The following BEND2 variants were observed in gnomAD, a reference collection of about 807,000 sequenced individuals.
BEND2 encodes BEN domain-containing protein 2.
BEND2 carries 19 observed loss-of-function variants against 43.8 expected under a neutral mutation model. That is an observed-to-expected ratio of 0.43 (90% confidence interval 0.30 to 0.64). The LOEUF is 0.64. BEND2 is among the 30% of genes least tolerant of loss of function. The pLI is 0.11. For synonymous variants in BEND2, 226 were observed against 210.1 expected (o/e 1.08, Z -0.66); for missense variants, 544 against 574.0 (o/e 0.95, Z 0.53).
At chrX:18,187,590 C>G (rs1244687066) in intron 8 of BEND2, among the ~76,000 whole-genome samples, 2 of 111,976 alleles carry the variant, frequency 1.8e-5, no homozygotes, top group African/African-American at 6.5e-5. Context: ...ATCATTCAGA[C>G]AGAATATTAA....
intron 10 of BEND2, among the ~76,000 whole-genome samples, chrX:18,177,135 G>A (rs1046458159): frequency 9.1e-6 from 1 of 110,409 alleles, no homozygotes; most frequent in Non-Finnish European, 1.9e-5. Flanking sequence ...AAGGCAGGAA[G>A]GCAGGAGGCT....
Position 18,220,833 on chromosome X carries a change from T to C in BEND2, c.-83A>G. 3 of 1,032,829 alleles carry C rather than the reference T, an allele frequency of 2.9e-6. No homozygotes were observed. The Admixed American group carries it at 7.4e-5, about 26-fold the overall frequency. The allele number at this position is 1,032,829 out of a possible 1,213,427, so 85.1% of individuals were successfully genotyped here. A position where few individuals can be genotyped will look rare whatever the true frequency, so the allele number is the denominator to read the frequency against. On this transcript the variant is annotated 5_prime_UTR_variant, in exon 1 of 14. Coordinates refer to ENST00000380033, the MANE Select transcript of BEND2 (RefSeq NM_153346.5). Reference sequence around the variant, plus strand: ...CTACGTCTGCGCCGCGGCTCTGAGGTAACTGCTTGGTAACTGTGTGGTAAC... The same window carrying C: ...CTACGTCTGCGCCGCGGCTCTGAGGCAACTGCTTGGTAACTGTGTGGTAAC...
chrX:18,189,296 C>G (rs1256005232), intron 8 of BEND2, among the ~76,000 whole-genome samples: 1 of 110,316 alleles, frequency 9.1e-6, no homozygotes, highest in East Asian at 2.8e-4. Flanking sequence ...CTGCTTGAGC[C>G]CAGGAGATTG....
chrX:18,217,414 A>C (rs1227571726), intron 1 of BEND2, among the ~76,000 whole-genome samples: 1 of 112,396 alleles, frequency 8.9e-6, no homozygotes, highest in Non-Finnish European at 1.9e-5. Flanking sequence ...CTACATCATA[A>C]CTTGGATTTA....
intron 10 of BEND2, among the ~76,000 whole-genome samples, chrX:18,176,490 G>A (rs1463155026): frequency 1.8e-5 from 2 of 109,205 alleles, no homozygotes; most frequent in Non-Finnish European, 1.9e-5. Flanking sequence ...AACAGCTTGG[G>A]CAGCAAAGTG....
Position 18,203,617 on chromosome X carries a change from C to A in BEND2, c.791G>T (p.Arg264Leu). ...TTAVPMAVLS[R>L]RESSLANNPG... is the part of the protein sequence containing the mutation. ...GTTATTTGCCAGACTGGATTCTCTTCGTGACAGAACTGCCATAGGTACTGC... is the reference window on the plus strand; with the variant it reads ...GTTATTTGCCAGACTGGATTCTCTTAGTGACAGAACTGCCATAGGTACTGC... Residue 264 changes from arginine to leucine, a missense_variant, in exon 5 of 14, where the codon CGA (arginine) becomes CTA (leucine). Arg to Leu is a moderately radical substitution (Grantham distance 102). Coordinates refer to ENST00000380033, the MANE Select transcript of BEND2 (RefSeq NM_153346.5). 2 of 1,210,896 alleles carry A rather than the reference C, an allele frequency of 1.7e-6. No homozygotes were observed. Among genetic ancestry groups the A allele is most frequent in the South Asian group, 1.8e-5 (1 of 56,967 alleles).
At position 18,201,944 on chromosome X, in the gene BEND2, T is replaced by C; in HGVS notation, c.908-4A>G. ...TTTGCTGGTCTTTCTGGCATTTCTG[T>C]AAATAAAAAGTTTTCAAGAGCTGTA... On this transcript the variant is annotated splice_polypyrimidine_tract_variant and splice_region_variant and intron_variant, in intron 5 of 13. Transcript: ENST00000380033. The C allele has an allele frequency of 6.6e-6, 8 of 1,206,395 alleles. No homozygotes were observed. The highest frequency in any genetic ancestry group is 9.0e-6 in the Non-Finnish European group (8 of 893,373).
chrX:18,165,422 T>C (rs903530809), intron 13 of BEND2, among the ~76,000 whole-genome samples, 199 bp from the exon 14 acceptor site: 2 of 112,227 alleles, frequency 1.8e-5, no homozygotes, highest in Non-Finnish European at 3.8e-5. Context: ...AACAGCACCA[T>C]GCTTAAATCA....
chrX:18,190,377 C>A (rs765305418), intron 8 of BEND2, among the ~76,000 whole-genome samples: 1 of 111,471 alleles, frequency 9.0e-6, no homozygotes, highest in African/African-American at 3.3e-5. Flanking sequence ...TGAAATAGTA[C>A]TCAGCAATAA....
intron 13 of BEND2, among the ~76,000 whole-genome samples, chrX:18,168,160 G>A (rs1483623751): frequency 1.8e-5 from 2 of 112,204 alleles, no homozygotes; most frequent in African/African-American, 6.5e-5. Flanking sequence ...GGACATGTAC[G>A]ATTGAAGAAT....
rs181144827 is a variant in BEND2 at position 18,165,033 on chromosome X, G to A, written c.2376C>T (p.Pro792=). The A allele has an allele frequency of 6.0e-5, 72 of 1,206,787 alleles. No homozygotes were observed. The East Asian group carries it at 7.7e-4, about 13-fold the overall frequency. The change falls in exon 14 of 14, where the codon CCC becomes CCT. Residue 792 remains proline, a synonymous_variant. Transcript: ENST00000380033. The part of the protein sequence containing the change: ...ELEQESKPGD[P]DATDPST ...TTCAGGTGCTTGGGTCAGTGGCGTC[G>A]GGATCTCCTGGCTTTGACTCCTGCT... is the stretch of plus-strand genomic sequence containing the variant.
intron 13 of BEND2, 190 bp downstream of exon 13, chrX:18,170,811 C>T (rs772169988): frequency 7.1e-4 from 359 of 504,131 alleles, no homozygotes; most frequent in Non-Finnish European, 8.2e-4. Context: ...GCAATTAGCC[C>T]TAAGAACCCA....
In BEND2 at chrX:18,163,742, G is replaced by A. The variant is rs1923751907; in HGVS notation, c.*1267C>T. The A allele has an allele frequency of 8.9e-6, 1 of 111,964 alleles. No individual in the cohort carries two copies. The highest frequency in any genetic ancestry group is 9.5e-5 in the Admixed American group (1 of 10,566). The allele number at this position is 111,964 out of a possible 1,213,427, so 9.2% of individuals were successfully genotyped here. A position where few individuals can be genotyped will look rare whatever the true frequency, so the allele number is the denominator to read the frequency against. Reference sequence around the variant, plus strand: ...AATTTGAAATTTCTTCTTGCCTAGGGTCGAACTGTACTTTTCTTTTAAAAA... The same window carrying A: ...AATTTGAAATTTCTTCTTGCCTAGGATCGAACTGTACTTTTCTTTTAAAAA... On this transcript the variant is annotated 3_prime_UTR_variant, in exon 14 of 14. Transcript: ENST00000380033.
Position 18,164,051 on chromosome X carries a change from C to G in BEND2, c.*958G>C, listed in dbSNP as rs774499773. ...TTTTTTTCTTTTCCCGAGACGGAGT[C>G]TCACTCTGTCACCCAGGCTCGAGTG... On this transcript the variant is annotated 3_prime_UTR_variant, in exon 14 of 14. Transcript: ENST00000380033. The G allele has an allele frequency of 1.8e-5, 2 of 110,760 alleles. No homozygotes were observed. Among genetic ancestry groups the G allele is most frequent in the Non-Finnish European group, 3.8e-5 (2 of 52,998 alleles). 9.1% of individuals were successfully genotyped at this position (110,760 alleles called of 1,213,427 possible).
intron 2 of BEND2, 78 bp downstream of exon 2, chrX:18,216,443 C>T: frequency 2.2e-6 from 2 of 907,421 alleles, no homozygotes; most frequent in Non-Finnish European, 3.2e-6. Flanking sequence ...GTAAAGGTTA[C>T]AGGAATATTT....
intron 4 of BEND2, 36 bp downstream of exon 4, chrX:18,212,529 A>T: frequency 1.0e-6 from 1 of 965,740 alleles, no homozygotes; most frequent in Non-Finnish European, 1.5e-6. Context: ...GAACAAAGAG[A>T]GATTTTCACT....
intron 4 of BEND2, among the ~76,000 whole-genome samples, chrX:18,206,027 T>C (rs1437497476): frequency 2.7e-5 from 3 of 111,812 alleles, no homozygotes; most frequent in Non-Finnish European, 3.8e-5. Flanking sequence ...TGTGCTTCAA[T>C]GTCCTCATGT....
At chrX:18,219,994 A>G (rs1486239222) in intron 1 of BEND2, among the ~76,000 whole-genome samples, 1 of 111,603 alleles carries the variant, frequency 9.0e-6, no homozygotes, top group South Asian at 3.7e-4. Context: ...GTCATTCCTC[A>G]TTCCTCGCCC....
rs781393873 is a variant in BEND2, at chrX:18,203,695, C to T, written c.713G>A (p.Ser238Asn). The change falls in exon 5 of 14, where the codon AGT (serine) becomes AAT (asparagine). Residue 238 changes from serine (S) to asparagine (N), a missense_variant. By Grantham distance (46) the Ser-to-Asn change is conservative (BLOSUM62 1). Transcript: ENST00000380033. ...AGCATTGGTACTTTCAGCACCTCCA[C>T]TGATAAAGTTCCATGGCATACCGAA... ...PCFGMPWNFI[S>N]GGAESTNAVI... 1.8e-5 allele frequency: 22 copies of T among 1,211,295 alleles called. No individual in the cohort carries two copies. In the Admixed American group the frequency reaches 3.0e-4, roughly 17 times the overall value.
Sources: gnomAD v4.1 joint callset for allele counts (sites outside exome capture counted in the v4.1 genomes callset) on GRCh38, gnomAD v4.1.1 for gene constraint, MANE v1.5 for transcripts, NCBI Gene and HGNC (gene_info 2026-07-23, HGNC 2026-07-21) for gene names.